NAV3: variants seen among roughly 807,000 people sequenced by gnomAD.
NAV3 encodes neuron navigator 3, also known as pore membrane and/or filament interacting like protein 1.
In NAV3, 87 loss-of-function variants were observed where a neutral mutation model predicts 244.7. The ratio of observed to expected loss-of-function variants is 0.36; its 90% confidence interval spans 0.30 to 0.42. The LOEUF is 0.42. Among genes scored for constraint, NAV3 ranks in the 20% least tolerant of loss-of-function variants. The pLI is 1.00. For missense variants in NAV3, 2,663 were observed against 2,893.3 expected, an observed-to-expected ratio of 0.92 and a Z score of 1.83; for synonymous variants, 1,126 against 1,042.2, an observed-to-expected ratio of 1.08 and a Z score of -1.55.
intron 9 of NAV3, among the ~76,000 whole-genome samples, chr12:78,035,347 G>A (rs1281184500): frequency 6.6e-6 from 1 of 152,134 alleles, no homozygotes; most frequent in African/African-American, 2.4e-5. Flanking sequence ...ATCTTCAGAA[G>A]TTAAATACTG....
intron 9 of NAV3, among the ~76,000 whole-genome samples, chr12:78,040,690 G>A (rs932384471): frequency 6.6e-6 from 1 of 152,058 alleles, no homozygotes; most frequent in African/African-American, 2.4e-5. Context: ...CTAGGAATCT[G>A]TGTGAGGTCA....
intron 1 of NAV3, among the ~76,000 whole-genome samples, chr12:77,887,329 A>T (rs1883412026): frequency 6.6e-6 from 1 of 152,114 alleles, no homozygotes. Context: ...AATCCTTAAA[A>T]CTACATATCT....
At chr12:77,636,416 G>C (rs1196524186) in intron 2 of NAV3, among the ~76,000 whole-genome samples, 1 of 146,108 alleles carries the variant, frequency 6.8e-6, no homozygotes, top group Non-Finnish European at 1.5e-5. Flanking sequence ...AGTGAGCCGA[G>C]ATTGCACCAC....
chr12:78,181,598 C>G (rs1163210780), intron 30 of NAV3, among the ~76,000 whole-genome samples: 1 of 151,982 alleles, frequency 6.6e-6, no homozygotes, highest in African/African-American at 2.4e-5. Context: ...GACATAATGT[C>G]ATCTTAATAT....
Position 78,007,295 on chromosome 12 carries a change from G to A in NAV3, c.1757G>A (p.Arg586Lys), listed in dbSNP as rs2136595905. 6.2e-7 allele frequency: 1 copy of A among 1,614,178 alleles called. No homozygotes were observed. The highest frequency in any genetic ancestry group is 8.5e-7 in the Non-Finnish European group (1 of 1,180,028). Reference sequence around the variant, plus strand: ...AGTTGTCCTGCCCCTTTGGAAGGAAGGGAAGCTGGCCAAGCTTCTCCTTCT... The same window carrying A: ...AGTTGTCCTGCCCCTTTGGAAGGAAAGGAAGCTGGCCAAGCTTCTCCTTCT... The part of the protein sequence containing the change: ...ASSCPAPLEG[R>K]EAGQASPSGS... The change falls in exon 8 of 40, where the codon AGG (arginine) becomes AAG (lysine). Residue 586 changes from arginine to lysine, a missense_variant. By Grantham distance (26) the Arg-to-Lys change is conservative (BLOSUM62 2). Around this residue, in one of 6 missense-constraint regions of NAV3, gnomAD observed 1,521 missense variants for 1,497.0 expected, o/e 1.02. Transcript: ENST00000397909.
chr12:77,827,064 CG>C (rs1305509185), upstream of NAV3, among the ~76,000 whole-genome samples: 6 of 151,892 alleles, frequency 4.0e-5, no homozygotes, highest in African/African-American at 1.2e-4. Flanking sequence ...GAAAAGCTGT[CG>C]CTACTAAAAA....
intron 2 of NAV3, among the ~76,000 whole-genome samples, chr12:77,720,936 C>T (rs575345838): frequency 2.4e-4 from 36 of 152,268 alleles, no homozygotes; most frequent in African/African-American, 8.7e-4. Context: ...CAGAGATATT[C>T]TGCACATCAG....
At chr12:77,790,341 G>A (rs1871127959) in intron 2 of NAV3, among the ~76,000 whole-genome samples, 1 of 152,184 alleles carries the variant, frequency 6.6e-6, no homozygotes, top group African/African-American at 2.4e-5. Context: ...TACTCAGTAT[G>A]TCTAAGAGAA....
At chr12:77,727,635 G>T (rs1876937024) in intron 2 of NAV3, among the ~76,000 whole-genome samples, 1 of 151,964 alleles carries the variant, frequency 6.6e-6, no homozygotes, top group Non-Finnish European at 1.5e-5. Context: ...GTAGAGTTTA[G>T]AAGTGTGATA....
intron 2 of NAV3, among the ~76,000 whole-genome samples, chr12:77,589,941 C>G (rs1332910471): frequency 6.6e-6 from 1 of 152,196 alleles, no homozygotes. Context: ...AAAATTGAGA[C>G]AGTAACAGTC....
chr12:77,883,407 C>T (rs940733605), intron 1 of NAV3, among the ~76,000 whole-genome samples: 6 of 151,890 alleles, frequency 4.0e-5, no homozygotes, highest in Non-Finnish European at 7.4e-5. Context: ...ATGGAGATAA[C>T]CATGGGAACA....
chr12:77,642,050 G>T (rs528124046), intron 2 of NAV3, among the ~76,000 whole-genome samples: 5 of 152,162 alleles, frequency 3.3e-5, no homozygotes, highest in Non-Finnish European at 5.9e-5. Flanking sequence ...TTTAGTGTTG[G>T]ATTTCTTCAG....
chr12:77,696,321 A>G (rs960884665), intron 2 of NAV3, among the ~76,000 whole-genome samples: 4 of 152,140 alleles, frequency 2.6e-5, no homozygotes, highest in Non-Finnish European at 1.5e-5. Flanking sequence ...TCTCTTCCTC[A>G]TTGGCTTTGA....
chr12:77,695,811 G>C (rs1592592022), intron 2 of NAV3, among the ~76,000 whole-genome samples: 2 of 152,006 alleles, frequency 1.3e-5, no homozygotes, highest in Non-Finnish European at 2.9e-5. Flanking sequence ...ATATTAAAGG[G>C]AGAACTTTTA....
intron 33 of NAV3, among the ~76,000 whole-genome samples, chr12:78,189,561 C>CATATAT (rs34797197): frequency 8.1e-5 from 12 of 148,548 alleles, no homozygotes; most frequent in East Asian, 5.9e-4. Flanking sequence ...CACACACACC[C>CATATAT]ATATATATAT....
intron 2 of NAV3, among the ~76,000 whole-genome samples, chr12:77,633,293 CATT>C (rs1181739506): frequency 6.6e-6 from 1 of 152,040 alleles, no homozygotes. Context: ...GATTAATCAT[CATT>C]ACCATAATTA....
intron 3 of NAV3, among the ~76,000 whole-genome samples, chr12:77,951,274 C>A (rs1005287214): frequency 3.3e-5 from 5 of 152,194 alleles, no homozygotes; most frequent in Non-Finnish European, 7.3e-5. Flanking sequence ...TGAACAGACA[C>A]TTCTCAAAAG....
At chr12:78,203,957 C>T (rs1249727477) in intron 38 of NAV3, among the ~76,000 whole-genome samples, 1 of 151,492 alleles carries the variant, frequency 6.6e-6, no homozygotes. Flanking sequence ...TCTGATTCTT[C>T]CATTCCACTG....
intron 16 of NAV3, among the ~76,000 whole-genome samples, chr12:78,125,421 C>G (rs1261045755): frequency 6.6e-6 from 1 of 152,140 alleles, no homozygotes; most frequent in African/African-American, 2.4e-5. Flanking sequence ...TCTTCTGCAG[C>G]TGCTCTAGGT....
Sources: allele counts gnomAD v4.1 joint callset (sites outside exome capture counted in the v4.1 genomes callset), GRCh38; gene constraint gnomAD v4.1.1; regional missense constraint gnomAD v4.1.1; transcripts MANE v1.5; gene names NCBI Gene and HGNC (gene_info 2026-07-23, HGNC 2026-07-21).